The following SEL1L variants were observed in gnomAD, a reference collection of about 807,000 sequenced individuals.
SEL1L encodes SEL1L adaptor subunit of SYVN1 ubiquitin ligase, also known as protein sel-1 homolog 1.
Under a neutral mutation model 109.8 loss-of-function variants are expected in SEL1L, and 52 were observed. The ratio of observed to expected loss-of-function variants is 0.47; its 90% CI spans 0.38 to 0.60. SEL1L has a LOEUF of 0.60. Ranked by LOEUF, SEL1L falls within the 20% of genes least tolerant of loss-of-function variation. The probability of loss-of-function intolerance (pLI) is 0.00; values close to 1 mark genes in which losing one functional copy is unlikely to be tolerated. For missense variants in SEL1L, 749 were observed against 962.2 expected, an observed-to-expected ratio of 0.78 and a Z score of 2.93; for synonymous variants, 373 against 339.6, an observed-to-expected ratio of 1.10 and a Z score of -1.08.
At chr14:81,494,228 T>C (rs960116788) in intron 11 of SEL1L, among the ~76,000 whole-genome samples, 2 of 152,196 alleles carry the variant, frequency 1.3e-5, no homozygotes, top group Non-Finnish European at 2.9e-5. Context: ...GCTTAAGATA[T>C]CAGCTCCCCT....
rs1441412210 is a variant in SEL1L at position 81,474,067 on chromosome 14, A to G, written c.*2905T>C. On this transcript the variant is annotated 3_prime_UTR_variant, in exon 21 of 21. Coordinates refer to ENST00000336735, the MANE Select transcript of SEL1L (RefSeq NM_005065.6). ...AGGTAAAAATTAACCTAATATGCAA[A>G]AAAGTAACAAATCCTTAGTATCAAG... is the stretch of plus-strand genomic sequence containing the variant. 2.0e-5 allele frequency: 3 copies of G among 152,024 alleles called. No homozygotes were observed. The highest frequency in any genetic ancestry group is 7.2e-5 in the African/African-American group (3 of 41,432). The allele number at this position is 152,024 out of a possible 1,614,324, so 9.4% of individuals were successfully genotyped here. A position where few individuals can be genotyped will look rare whatever the true frequency, so the allele number is the denominator to read the frequency against.
intron 3 of SEL1L, among the ~76,000 whole-genome samples, chr14:81,525,031 T>C (rs369613174): frequency 3.3e-5 from 5 of 152,150 alleles, no homozygotes; most frequent in Admixed American, 1.3e-4. Context: ...AAAGGAGTAA[T>C]GGCTAATTCT....
intron 5 of SEL1L, among the ~76,000 whole-genome samples, chr14:81,503,377 G>T (rs1431970035): frequency 6.6e-6 from 1 of 151,368 alleles, no homozygotes; most frequent in African/African-American, 2.4e-5. Context: ...TTCCTCTGTT[G>T]CCCAGGCTGG....
At chr14:81,488,542 C>T (rs185793779) in intron 14 of SEL1L, among the ~76,000 whole-genome samples, 78 of 152,260 alleles carry the variant, frequency 5.1e-4, no homozygotes, top group African/African-American at 1.8e-3. Context: ...ATTAAAAGCA[C>T]ATATTACTTG....
chr14:81,511,900 A>C (rs1884492719), intron 3 of SEL1L, among the ~76,000 whole-genome samples: 2 of 152,266 alleles, frequency 1.3e-5, no homozygotes, highest in South Asian at 2.1e-4. Context: ...GAAAGTATAC[A>C]AAATTAAAGA....
At chr14:81,506,405 C>T (rs895447680) in intron 3 of SEL1L, among the ~76,000 whole-genome samples, 164 bp from the exon 4 acceptor site, 1 of 152,172 alleles carries the variant, frequency 6.6e-6, no homozygotes, top group Non-Finnish European at 1.5e-5. Flanking sequence ...TTAGGGAGGA[C>T]TTGGTTTAGT....
In SEL1L at chr14:81,498,473, T is replaced by C. The variant is rs367817159; in HGVS notation, c.913A>G (p.Ile305Val). 18 of 1,613,986 alleles carry C rather than the reference T, an allele frequency of 1.1e-5. No homozygotes were observed. The highest frequency in any genetic ancestry group is 2.2e-5 in the East Asian group (1 of 44,892). The change falls in exon 9 of 21, where the codon ATC becomes GTC. Residue 305 changes from isoleucine (I) to valine (V), a missense_variant. Coordinates refer to ENST00000336735, the MANE Select transcript of SEL1L (RefSeq NM_005065.6). Reference protein sequence around the residue: ...MVLGYRYWAGIGVLQSCESAL... With the variant: ...MVLGYRYWAGVGVLQSCESAL... ...GATTCACAACTCTGGAGGACGCCGA[T>C]GCCAGCCCAGTATCTGTAACCCTGT...
chr14:81,486,234 T>C, intron 17 of SEL1L, 55 bp downstream of exon 17: 12 of 1,529,896 alleles, frequency 7.8e-6, no homozygotes, highest in Non-Finnish European at 9.9e-6. Flanking sequence ...TTAAACAGTT[T>C]ACTGGTGTGA....
chr14:81,510,514 C>CTCTCTCTCTCTCTATATATATATATA (rs35474067), intron 3 of SEL1L, among the ~76,000 whole-genome samples: 1 of 104,054 alleles, frequency 9.6e-6, no homozygotes, highest in African/African-American at 3.4e-5. Flanking sequence ...CTCTCTCTCT[C>CTCTCTCTCTCTCTATATATATATATA]TATATATATA....
At position 81,533,849 on chromosome 14, in the gene SEL1L, C is replaced by G. The variant is rs894401410; in HGVS notation, c.-105G>C. 69 of 1,189,302 alleles carry G rather than the reference C, an allele frequency of 5.8e-5. No individual in the cohort carries two copies. Among genetic ancestry groups the G allele is most frequent in the Non-Finnish European group, 7.5e-5 (62 of 827,000 alleles). The allele number at this position is 1,189,302 out of a possible 1,614,324, so 73.7% of individuals were successfully genotyped here. Reference sequence around the variant, plus strand: ...TCGCCGCTGCTCTTCCTGCTCTAGTCTCCTTCCTCCGCCCCTTCCCAGGCT... The same window carrying G: ...TCGCCGCTGCTCTTCCTGCTCTAGTGTCCTTCCTCCGCCCCTTCCCAGGCT... On this transcript the variant is annotated 5_prime_UTR_variant, in exon 1 of 21. Transcript: ENST00000336735.
chr14:81,515,913 C>T (rs1018437615), intron 3 of SEL1L, among the ~76,000 whole-genome samples: 4 of 152,160 alleles, frequency 2.6e-5, no homozygotes, highest in African/African-American at 4.8e-5. Context: ...AGAAAGGCTG[C>T]AGCCTTAGTC....
chr14:81,503,944 G>GAAACC (rs1471440109), intron 5 of SEL1L, among the ~76,000 whole-genome samples: 4 of 152,070 alleles, frequency 2.6e-5, no homozygotes, highest in African/African-American at 7.2e-5. Context: ...TTGGTTCTTA[G>GAAACC]AAACTACTAC....
At chr14:81,496,034 T>A (rs1883733310) in intron 10 of SEL1L, among the ~76,000 whole-genome samples, 1 of 151,478 alleles carries the variant, frequency 6.6e-6, no homozygotes, top group Non-Finnish European at 1.5e-5. Context: ...AAATTAAAAC[T>A]GAATTTGGGC....
chr14:81,477,171 A>T lies in SEL1L; in HGVS notation c.2186T>A (p.Met729Lys). ...QYIRETNIRD[M>K]FTQLDMDQLL... The stretch of plus-strand genomic sequence containing the variant: ...CTGGTCCATATCAAGTTGGGTGAAC[A>T]TATCTCGAATCTTAATGAAAATAAT... Residue 729 changes from methionine to lysine, a missense_variant, in exon 21 of 21, where the codon ATG (methionine) becomes AAG (lysine). Physicochemically the swap from Met to Lys is moderately conservative, Grantham distance 95 (BLOSUM62 -1). This residue lies in a region of SEL1L where 383 missense variants were observed against 562.5 expected (regional missense o/e 0.68). Transcript: ENST00000336735. The T allele has an allele frequency of 6.2e-7, 1 of 1,613,524 alleles. No homozygotes were observed. Among genetic ancestry groups the T allele is most frequent in the Non-Finnish European group, 8.5e-7 (1 of 1,179,448 alleles).
intron 4 of SEL1L, 53 bp downstream of exon 4, chr14:81,506,021 A>G: frequency 6.5e-7 from 1 of 1,545,216 alleles, no homozygotes; most frequent in African/African-American, 1.4e-5. Flanking sequence ...CCTTAAAAAC[A>G]TTGCCCTAGA....
chr14:81,495,328 T>A (rs1311422184), intron 10 of SEL1L, among the ~76,000 whole-genome samples, 191 bp from the exon 11 acceptor site: 1 of 152,244 alleles, frequency 6.6e-6, no homozygotes, highest in Non-Finnish European at 1.5e-5. Flanking sequence ...AGTAAAAACG[T>A]GTACTTGTAA....
intron 10 of SEL1L, among the ~76,000 whole-genome samples, chr14:81,496,258 G>A (rs1487253903): frequency 2.0e-5 from 3 of 151,842 alleles, no homozygotes; most frequent in Admixed American, 6.6e-5. Flanking sequence ...TGGGAGGCGG[G>A]GCTTGCAGTG....
intron 3 of SEL1L, among the ~76,000 whole-genome samples, chr14:81,523,430 T>C (rs1885000887): frequency 6.6e-6 from 1 of 152,164 alleles, no homozygotes; most frequent in African/African-American, 2.4e-5. Context: ...ATGGAAGCTC[T>C]GCAGTCCTTC....
At chr14:81,520,019 G>C (rs907480078) in intron 3 of SEL1L, among the ~76,000 whole-genome samples, 2 of 152,158 alleles carry the variant, frequency 1.3e-5, no homozygotes, top group African/African-American at 4.8e-5. Flanking sequence ...GTAAACAGGG[G>C]AGTTATGGGG....
Sources: gnomAD v4.1 joint callset for allele counts (sites outside exome capture counted in the v4.1 genomes callset) on GRCh38, gnomAD v4.1.1 for gene constraint, gnomAD v4.1.1 regional missense constraint, MANE v1.5 for transcripts, NCBI Gene and HGNC (gene_info 2026-07-23, HGNC 2026-07-21) for gene names.